Variants in CD1B observed in about 807,000 individuals in gnomAD.
CD1B encodes the protein T-cell surface glycoprotein CD1b.
CD1B carries 43 observed loss-of-function variants against 39.8 expected under a neutral mutation model. The ratio of observed to expected loss-of-function variants is 1.08; its 90% CI spans 0.85 to 1.39. CD1B has a LOEUF of 1.39. Ranked by LOEUF, CD1B falls within the 40% of genes most tolerant of loss-of-function variation. CD1B has a pLI of 0.00. For synonymous variants in CD1B, 192 were observed against 152.5 expected (o/e 1.26, Z -1.91); for missense variants, 495 against 403.8 (o/e 1.23, Z -1.94).
At chr1:158,314,902 C>T in the CD1B span, among the ~76,000 whole-genome samples, 2,678 of 146,782 alleles carry the variant, frequency 0.018, 67 homozygotes, top group African/African-American at 0.064. Flanking sequence ...TGAGAATATG[C>T]GGTGTTTGGT....
the CD1B span, among the ~76,000 whole-genome samples, chr1:158,312,884 G>C: frequency 6.6e-6 from 1 of 152,274 alleles, no homozygotes; most frequent in South Asian, 2.1e-4. Context: ...CCAGTACAAT[G>C]TTGACTAGAA....
At chr1:158,329,745 C>G (rs1652509150) in intron 3 of CD1B, 97 bp from the exon 4 acceptor site, 2 of 1,561,612 alleles carry the variant, frequency 1.3e-6, no homozygotes, top group African/African-American at 1.4e-5. Context: ...ACCCCATTCA[C>G]TCCTTTGGGA....
the CD1B span, among the ~76,000 whole-genome samples, chr1:158,309,835 G>A: frequency 6.7e-6 from 1 of 148,622 alleles, no homozygotes; most frequent in Non-Finnish European, 1.5e-5. Flanking sequence ...CTGTTGTGGG[G>A]TGGGGGGAAG....
At chr1:158,316,321 C>G in the CD1B span, among the ~76,000 whole-genome samples, 1 of 151,996 alleles carries the variant, frequency 6.6e-6, no homozygotes, top group East Asian at 1.9e-4. Flanking sequence ...TTTTTATCCT[C>G]TTTTATTTCA....
the CD1B span, among the ~76,000 whole-genome samples, chr1:158,318,206 C>G: frequency 6.6e-6 from 1 of 152,118 alleles, no homozygotes; most frequent in Non-Finnish European, 1.5e-5. Context: ...GAGTTCAATT[C>G]CTGGGTATCC....
chr1:158,317,756 G>A, the CD1B span, among the ~76,000 whole-genome samples: 2 of 152,096 alleles, frequency 1.3e-5, no homozygotes, highest in African/African-American at 4.8e-5. Flanking sequence ...TGTGATGTTA[G>A]GATGTCAATT....
chr1:158,293,601 T>C, the CD1B span: 1 of 1,608,766 alleles, frequency 6.2e-7, no homozygotes, highest in African/African-American at 1.3e-5. Flanking sequence ...AATAAACATT[T>C]GTTAATAAAA....
At chr1:158,293,434 C>T in the CD1B span, 1 of 1,613,578 alleles carries the variant, frequency 6.2e-7, no homozygotes, top group Non-Finnish European at 8.5e-7. Context: ...CAGGGTTTCT[C>T]CCATTCCTGT....
At chr1:158,300,634 T>C in the CD1B span, among the ~76,000 whole-genome samples, 1 of 152,144 alleles carries the variant, frequency 6.6e-6, no homozygotes, top group Admixed American at 6.6e-5. Flanking sequence ...CGTAGGTCTG[T>C]AAGGACTCAT....
At chr1:158,293,017 TA>T in the CD1B span, 1 of 904,560 alleles carries the variant, frequency 1.1e-6, no homozygotes, top group Admixed American at 2.6e-5. Flanking sequence ...GAGTAAGACC[TA>T]AGGGATACAT....
At chr1:158,330,233 G>A in intron 2 of CD1B, 103 bp from the exon 3 acceptor site, 1 of 1,063,668 alleles carries the variant, frequency 9.4e-7, no homozygotes, top group Non-Finnish European at 1.4e-6. Context: ...AAAGTTATTT[G>A]GTGTAAAATG....
At chr1:158,317,159 G>A in the CD1B span, among the ~76,000 whole-genome samples, 1 of 151,952 alleles carries the variant, frequency 6.6e-6, no homozygotes, top group Non-Finnish European at 1.5e-5. Context: ...TTTGGTATCA[G>A]AATGATGCTG....
At chr1:158,306,774 A>G in the CD1B span, among the ~76,000 whole-genome samples, 2 of 152,184 alleles carry the variant, frequency 1.3e-5, no homozygotes, top group Admixed American at 1.3e-4. Flanking sequence ...GCATAAAGAA[A>G]TTCACTCAAA....
chr1:158,311,682 G>A, the CD1B span, among the ~76,000 whole-genome samples: 1 of 152,090 alleles, frequency 6.6e-6, no homozygotes, highest in African/African-American at 2.4e-5. Context: ...TATATGGTGA[G>A]ATATAGGGCT....
Position 158,329,375 on chromosome 1 carries a change from T to A in CD1B, c.881A>T (p.Tyr294Phe), listed in dbSNP as rs766697958. 6.2e-7 allele frequency: 1 copy of A among 1,613,024 alleles called. No homozygotes were observed. The highest frequency in any genetic ancestry group is 1.3e-5 in the African/African-American group (1 of 74,896). The change falls in exon 4 of 6, where the codon TAC (tyrosine) becomes TTC (phenylalanine). Residue 294 changes from tyrosine (Y) to phenylalanine (F), a missense_variant. Tyr to Phe is a conservative substitution (Grantham distance 22, BLOSUM62 3). Transcript: ENST00000368168. ...GGGTCCCTGCTATTTCTTACTCCAG[T>A]AGAGGATGATGTCCTGGCCCTCTAA... ...SSLEGQDIIL[Y>F]WRNPTSIGSI... is the part of the protein sequence containing the mutation.
chr1:158,331,069 A>G lies in CD1B; in HGVS notation c.62-7T>C. On this transcript the variant is annotated splice_polypyrimidine_tract_variant and splice_region_variant and intron_variant, in intron 1 of 5. Coordinates refer to ENST00000368168, the MANE Select transcript of CD1B (RefSeq NM_001764.3). ...GAGGTCGGCCCCTGGAAGGCTGTGA[A>G]GAGTGGAAAAGCAAGATGGTGAAGA... 6.3e-7 allele frequency: 1 copy of G among 1,596,970 alleles called. No individual in the cohort carries two copies. The highest frequency in any genetic ancestry group is 1.8e-5 in the Admixed American group (1 of 56,076).
the CD1B span, among the ~76,000 whole-genome samples, chr1:158,320,129 C>T: frequency 1.3e-5 from 2 of 152,212 alleles, no homozygotes; most frequent in Non-Finnish European, 2.9e-5. Context: ...GTGCCCTGCC[C>T]CCAGAGGTGG....
At chr1:158,317,299 T>C in the CD1B span, among the ~76,000 whole-genome samples, 341 of 152,304 alleles carry the variant, frequency 2.2e-3, 2 homozygotes, top group African/African-American at 8.0e-3. Flanking sequence ...TCCTGGACTC[T>C]TTTTTGTTGG....
the CD1B span, among the ~76,000 whole-genome samples, chr1:158,318,530 A>C: frequency 6.6e-6 from 1 of 151,664 alleles, no homozygotes; most frequent in Non-Finnish European, 1.5e-5. Flanking sequence ...ATCTTCCTCC[A>C]TCCTTTTATT....
Sources: allele counts gnomAD v4.1 joint callset (sites outside exome capture counted in the v4.1 genomes callset), GRCh38; gene constraint gnomAD v4.1.1; transcripts MANE v1.5; gene names NCBI Gene and HGNC (gene_info 2026-07-23, HGNC 2026-07-21).